STT3B: variants seen among roughly 807,000 people sequenced by gnomAD.
The protein encoded by STT3B is STT3 oligosaccharyltransferase complex catalytic subunit B.
A neutral mutation model predicts 96.8 loss-of-function variants in STT3B; 29 were observed. The ratio of observed to expected loss-of-function variants is 0.30; its 90% CI spans 0.22 to 0.41. The LOEUF (loss-of-function observed/expected upper bound fraction) is 0.41, where lower values mean the gene tolerates loss of function less well. Ranked by LOEUF, STT3B falls within the 10% of genes least tolerant of loss-of-function variation. STT3B has a pLI of 1.00. For missense variants in STT3B, 640 were observed against 1,022.3 expected (o/e 0.63, Z 5.10); for synonymous variants, 367 against 360.0 (o/e 1.02, Z -0.22).
At chr3:31,565,204 A>G (rs1275585988) in intron 1 of STT3B, among the ~76,000 whole-genome samples, 1 of 152,174 alleles carries the variant, frequency 6.6e-6, no homozygotes, top group Non-Finnish European at 1.5e-5. Context: ...TCTTGTTTTT[A>G]TATCTCAGAG....
chr3:31,534,473 C>T (rs1389392314), intron 1 of STT3B, among the ~76,000 whole-genome samples: 1 of 152,124 alleles, frequency 6.6e-6, no homozygotes, highest in Admixed American at 6.5e-5. Context: ...GACCTGTCAA[C>T]CTTGAGTTAA....
At chr3:31,566,522 A>G (rs1238222751) in intron 1 of STT3B, among the ~76,000 whole-genome samples, 1 of 151,420 alleles carries the variant, frequency 6.6e-6, no homozygotes, top group Admixed American at 6.6e-5. Context: ...ATAAATTACC[A>G]CTCCCCTTCT....
At chr3:31,620,951 CAAG>C (rs1241880397) in intron 9 of STT3B, among the ~76,000 whole-genome samples, 1 of 152,154 alleles carries the variant, frequency 6.6e-6, no homozygotes, top group Non-Finnish European at 1.5e-5. Context: ...CTGCATCATT[CAAG>C]AAGATTTAAC....
At position 31,619,862 on chromosome 3, in the gene STT3B, T is replaced by C. The variant is rs760413311; in HGVS notation, c.1327+32T>C. ...GAGGTTTTTAATGAATACTTTGATATGGAATAGTTATTTTTCTTTTTGAGA... is the reference window on the plus strand; with the variant it reads ...GAGGTTTTTAATGAATACTTTGATACGGAATAGTTATTTTTCTTTTTGAGA... On this transcript the variant is annotated intron_variant, in intron 9 of 15. Transcript: ENST00000295770. 14 of 1,586,486 alleles carry C rather than the reference T, an allele frequency of 8.8e-6. No individual in the cohort carries two copies. In the East Asian group the frequency reaches 9.0e-5, roughly 10 times the overall value.
Position 31,605,204 on chromosome 3 carries a change from C to CT in STT3B, c.877+4755dup, listed in dbSNP as rs966572611. Among the ~76,000 whole-genome samples the CT allele has an allele frequency of 1.9e-4, 28 of 146,766 alleles. No individual in the cohort carries two copies. In the East Asian group the frequency reaches 2.6e-3, roughly 14 times the overall value. On this transcript the variant is annotated intron_variant, in intron 5 of 15. Coordinates refer to ENST00000295770, the MANE Select transcript of STT3B (RefSeq NM_178862.3). ...AGTGTGAATCTAAGGAGTGTTCCTT[C>CT]TTTTTTTTTTAAGTGAAAATAAACT...
intron 9 of STT3B, chr3:31,620,134 A>G: frequency 2.7e-6 from 1 of 377,190 alleles, no homozygotes; most frequent in Non-Finnish European, 4.6e-6. Context: ...AATTAGCCGA[A>G]CATGGTGGTG....
chr3:31,547,021 C>T (rs1485635431), intron 1 of STT3B, among the ~76,000 whole-genome samples: 1 of 152,176 alleles, frequency 6.6e-6, no homozygotes, highest in African/African-American at 2.4e-5. Context: ...ACCCCTTCCC[C>T]TCCAAATAAT....
intron 5 of STT3B, among the ~76,000 whole-genome samples, chr3:31,608,803 A>G (rs866546513): frequency 6.6e-6 from 1 of 152,234 alleles, no homozygotes; most frequent in Non-Finnish European, 1.5e-5. Context: ...AGCCTACTAC[A>G]GTAGTAGTCG....
chr3:31,618,244 ATATT>A lies in STT3B; in HGVS notation c.1172+259_1172+262del, dbSNP rs573796768. Among the ~76,000 whole-genome samples the A allele has an allele frequency of 4.6e-5, 7 of 151,338 alleles. No individual in the cohort carries two copies. The South Asian group carries it at 1.5e-3, about 32-fold the overall frequency. Reference sequence around the variant, plus strand: ...CCTTGTTTCCGTTTTGTTTGTAAGAATATTTAGGTTACCTTTGTGCAATTTAAAG... The same window carrying A: ...CCTTGTTTCCGTTTTGTTTGTAAGAATAGGTTACCTTTGTGCAATTTAAAG... On this transcript the variant is annotated intron_variant, in intron 8 of 15. Coordinates refer to ENST00000295770, the MANE Select transcript of STT3B (RefSeq NM_178862.3).
chr3:31,634,187 T>C (rs1284035638), intron 15 of STT3B, among the ~76,000 whole-genome samples: 1 of 152,182 alleles, frequency 6.6e-6, no homozygotes. Context: ...ACTCATTATC[T>C]TTAGGTAAAA....
In STT3B at chr3:31,552,973, G is replaced by A. The variant is rs1045121661; in HGVS notation, c.314+19661G>A. 2.9e-4 allele frequency among the ~76,000 whole-genome samples: 44 copies of A among 151,794 alleles called. 1 individual carries two copies. The highest frequency in any genetic ancestry group is 2.3e-3 in the Admixed American group (35 of 15,248). Reference sequence around the variant, plus strand: ...AAAAATTAGCCGGGCATGGTGGCGCGTGCCTGTAGTCCCAGCTACACGGGA... The same window carrying A: ...AAAAATTAGCCGGGCATGGTGGCGCATGCCTGTAGTCCCAGCTACACGGGA... On this transcript the variant is annotated intron_variant, in intron 1 of 15. Coordinates refer to ENST00000295770, the MANE Select transcript of STT3B (RefSeq NM_178862.3).
rs748073503 is a variant in STT3B, at chr3:31,532,975, C to T, written c.-24C>T. 4 of 1,577,494 alleles carry T rather than the reference C, an allele frequency of 2.5e-6. No homozygotes were observed. The African/African-American group carries it at 5.6e-5, about 22-fold the overall frequency. On this transcript the variant is annotated 5_prime_UTR_variant, in exon 1 of 16. Transcript: ENST00000295770. ...AGGCGGCGGCGGCGGAGGAGGAGAG[C>T]TAGACCCGCCGCCGGGGCACAACAT...
At chr3:31,553,924 GTTA>G (rs1697631153) in intron 1 of STT3B, among the ~76,000 whole-genome samples, 1 of 151,836 alleles carries the variant, frequency 6.6e-6, no homozygotes, top group Non-Finnish European at 1.5e-5. Context: ...GAAGTGAATA[GTTA>G]TTTGAGATCT....
intron 1 of STT3B, among the ~76,000 whole-genome samples, chr3:31,551,542 G>T (rs954300106): frequency 6.6e-6 from 1 of 152,042 alleles, no homozygotes; most frequent in East Asian, 1.9e-4. Context: ...TTATGCTTAC[G>T]TTAGCATCCA....
chr3:31,630,802 T>TG (rs1352045446), intron 14 of STT3B, among the ~76,000 whole-genome samples: 12 of 151,492 alleles, frequency 7.9e-5, no homozygotes, highest in African/African-American at 2.9e-4. Flanking sequence ...GGTGTTTTTT[T>TG]TGTTTTTTTT....
At chr3:31,621,586 G>A (rs1331729905) in intron 9 of STT3B, among the ~76,000 whole-genome samples, 1 of 152,174 alleles carries the variant, frequency 6.6e-6, no homozygotes, top group African/African-American at 2.4e-5. Context: ...TCTGGCTATT[G>A]GAAATTTGTT....
intron 1 of STT3B, among the ~76,000 whole-genome samples, chr3:31,543,067 C>CAAAA (rs10696158): frequency 0.42 from 45,950 of 108,972 alleles, 10,887 homozygotes; most frequent in South Asian, 0.54. Context: ...CTCCATCTCA[C>CAAAA]AAAAAAAAAA....
intron 3 of STT3B, among the ~76,000 whole-genome samples, chr3:31,591,092 C>G (rs1007439313): frequency 6.6e-6 from 1 of 152,066 alleles, no homozygotes. Context: ...ATAACTGCCT[C>G]TCAGAAACTG....
chr3:31,548,827 T>A (rs1697479324), intron 1 of STT3B, among the ~76,000 whole-genome samples: 1 of 152,224 alleles, frequency 6.6e-6, no homozygotes, highest in Non-Finnish European at 1.5e-5. Context: ...TTTGCCAAAG[T>A]ATGTTCTGCA....
Sources: allele counts gnomAD v4.1 joint callset (sites outside exome capture counted in the v4.1 genomes callset), GRCh38; gene constraint gnomAD v4.1.1; transcripts MANE v1.5; gene names NCBI Gene and HGNC (gene_info 2026-07-23, HGNC 2026-07-21).